PDE4D: variants seen among roughly 807,000 people sequenced by gnomAD.
The protein encoded by PDE4D is 3',5'-cyclic-AMP phosphodiesterase 4D.
PDE4D carries 24 observed loss-of-function variants against 87.4 expected under a neutral mutation model. The ratio of observed to expected loss-of-function variants is 0.27; its 90% CI spans 0.20 to 0.39. PDE4D has a LOEUF of 0.39. PDE4D is among the 10% of genes least tolerant of loss of function. The pLI is 1.00. For missense variants in PDE4D, 714 were observed against 1,041.0 expected, an observed-to-expected ratio of 0.69 and a Z score of 4.32; for synonymous variants, 384 against 383.2, an observed-to-expected ratio of 1.00 and a Z score of -0.02.
At chr5:59,120,387 T>C (rs1774283814) in intron 5 of PDE4D, among the ~76,000 whole-genome samples, 2 of 152,218 alleles carry the variant, frequency 1.3e-5, no homozygotes, top group African/African-American at 4.8e-5. Flanking sequence ...AGTTATCCAT[T>C]CATTCATTGA....
chr5:59,071,935 C>T (rs1036093817), intron 5 of PDE4D, among the ~76,000 whole-genome samples: 8 of 152,152 alleles, frequency 5.3e-5, no homozygotes, highest in East Asian at 1.9e-4. Flanking sequence ...GTAATCCCCC[C>T]GCCTTGGCCT....
intron 1 of PDE4D, among the ~76,000 whole-genome samples, chr5:59,276,911 C>T (rs1235494022): frequency 6.6e-6 from 1 of 152,040 alleles, no homozygotes; most frequent in Non-Finnish European, 1.5e-5. Flanking sequence ...TTGCTCCCAA[C>T]AGAAGGAACA....
intron 1 of PDE4D, among the ~76,000 whole-genome samples, chr5:59,335,485 T>C (rs1219279522): frequency 2.0e-5 from 3 of 152,172 alleles, no homozygotes; most frequent in African/African-American, 7.2e-5. Context: ...ACATAGTTTT[T>C]GCCCCTATGG....
chr5:59,181,092 A>G (rs947126278), intron 4 of PDE4D, among the ~76,000 whole-genome samples: 4 of 152,222 alleles, frequency 2.6e-5, no homozygotes, highest in Non-Finnish European at 5.9e-5. Context: ...GTTGTAAACT[A>G]TCTTATAATT....
At chr5:59,098,831 C>G (rs1455030073) in intron 5 of PDE4D, among the ~76,000 whole-genome samples, 1 of 152,054 alleles carries the variant, frequency 6.6e-6, no homozygotes, top group Admixed American at 6.6e-5. Context: ...ATCCACCATC[C>G]GTAACACATG....
intron 1 of PDE4D, among the ~76,000 whole-genome samples, chr5:59,372,874 T>G (rs1164947736): frequency 6.6e-6 from 1 of 151,872 alleles, no homozygotes; most frequent in Non-Finnish European, 1.5e-5. Flanking sequence ...CTCATACAAG[T>G]CCCCCAGAGT....
At chr5:59,876,550 G>A (rs1299887646) in intron 1 of PDE4D, among the ~76,000 whole-genome samples, 1 of 151,948 alleles carries the variant, frequency 6.6e-6, no homozygotes, top group African/African-American at 2.4e-5. Context: ...TTATTCCACT[G>A]CTCTAAGTTA....
At chr5:59,509,140 A>G (rs1809815141) in intron 1 of PDE4D, among the ~76,000 whole-genome samples, 1 of 152,022 alleles carries the variant, frequency 6.6e-6, no homozygotes, top group Non-Finnish European at 1.5e-5. Flanking sequence ...AAATTGCACA[A>G]CAACAAAGAT....
At chr5:60,302,201 G>C (rs1290848571) in intron 1 of PDE4D, among the ~76,000 whole-genome samples, 1 of 152,170 alleles carries the variant, frequency 6.6e-6, no homozygotes, top group Non-Finnish European at 1.5e-5. Flanking sequence ...ATGAGTTAGG[G>C]AGGAGTCCCT....
intron 1 of PDE4D, among the ~76,000 whole-genome samples, chr5:60,493,385 AT>A (rs1162674380): frequency 5.3e-5 from 8 of 152,250 alleles, no homozygotes; most frequent in African/African-American, 1.9e-4. Context: ...TCTGGAATTC[AT>A]GCTGAATTCT....
At chr5:60,014,793 A>C (rs1425430143) in intron 2 of PDE4D, among the ~76,000 whole-genome samples, 1 of 152,220 alleles carries the variant, frequency 6.6e-6, no homozygotes, top group Admixed American at 6.5e-5. Context: ...AGGCCTCCAA[A>C]CCTTTAATGG....
chr5:59,351,695 T>C (rs746239078), intron 1 of PDE4D, among the ~76,000 whole-genome samples: 9 of 152,182 alleles, frequency 5.9e-5, no homozygotes, highest in Non-Finnish European at 1.0e-4. Context: ...TTCTTTTTAA[T>C]ATAAAAATAC....
At chr5:60,461,941 G>C (rs886933333) in intron 1 of PDE4D, among the ~76,000 whole-genome samples, 8 of 152,190 alleles carry the variant, frequency 5.3e-5, no homozygotes, top group Non-Finnish European at 1.2e-4. Context: ...AAACACTTCA[G>C]AATGGCATAG....
rs1742869292 is a variant in PDE4D, at chr5:58,972,970, T to A, written c.*1694A>T. On this transcript the variant is annotated 3_prime_UTR_variant, in exon 15 of 15. Transcript: ENST00000340635. ...CCCTCCATGTGTTTAAAGAAGTAGT[T>A]CCCCTCTGCAAGATATGCTTATGGA... 6.6e-6 allele frequency: 1 copy of A among 152,162 alleles called. No homozygotes were observed. Among genetic ancestry groups the A allele is most frequent in the African/African-American group, 2.4e-5 (1 of 41,428 alleles). The allele number at this position is 152,162 out of a possible 1,614,324, so 9.4% of individuals were successfully genotyped here. A position where few individuals can be genotyped will look rare whatever the true frequency, so the allele number is the denominator to read the frequency against.
At chr5:59,624,832 GA>G (rs1214643752) in intron 1 of PDE4D, among the ~76,000 whole-genome samples, 2 of 152,134 alleles carry the variant, frequency 1.3e-5, no homozygotes, top group East Asian at 3.9e-4. Context: ...GTCAACATGT[GA>G]CCAAGCTTTT....
At chr5:59,526,878 G>A (rs1813243513) in intron 1 of PDE4D, among the ~76,000 whole-genome samples, 1 of 152,004 alleles carries the variant, frequency 6.6e-6, no homozygotes. Context: ...CACCAGCCTT[G>A]GCCTCCCAAA....
intron 1 of PDE4D, among the ~76,000 whole-genome samples, chr5:59,707,298 T>C (rs1365624713): frequency 6.6e-6 from 1 of 152,056 alleles, no homozygotes. Flanking sequence ...GCAACAAACA[T>C]TTATTGAATT....
chr5:59,417,472 C>G (rs1323158619), intron 1 of PDE4D, among the ~76,000 whole-genome samples: 3 of 149,830 alleles, frequency 2.0e-5, no homozygotes, highest in Non-Finnish European at 1.5e-5. Context: ...TCTAGCCAAA[C>G]AAAACAACTG....
chr5:59,073,460 G>A (rs2153419195), intron 5 of PDE4D, among the ~76,000 whole-genome samples: 1 of 133,500 alleles, frequency 7.5e-6, no homozygotes, highest in Middle Eastern at 4.6e-3. Flanking sequence ...AAGGAAGAAT[G>A]AGAAGTTTCT....
Sources: gnomAD v4.1 joint callset for allele counts (sites outside exome capture counted in the v4.1 genomes callset) on GRCh38, gnomAD v4.1.1 for gene constraint, MANE v1.5 for transcripts, NCBI Gene and HGNC (gene_info 2026-07-23, HGNC 2026-07-21) for gene names.